DOCK5: variants seen among roughly 807,000 people sequenced by gnomAD.
The protein encoded by DOCK5 is dedicator of cytokinesis protein 5.
DOCK5 carries 142 observed loss-of-function variants against 251.8 expected under a neutral mutation model. The observed-to-expected ratio is 0.56, with a 90% CI of 0.49 to 0.65. The LOEUF is 0.65. DOCK5 is among the 30% of genes least tolerant of loss of function. The pLI, the probability that DOCK5 is intolerant of heterozygous loss-of-function variation, is 0.00. For synonymous variants in DOCK5, 842 were observed against 835.5 expected (o/e 1.01, Z -0.13); for missense variants, 2,111 against 2,312.3 (o/e 0.91, Z 1.79).
chr8:25,337,585 CTTTTTTTTT>C (rs71549899), intron 22 of DOCK5, among the ~76,000 whole-genome samples: 3 of 128,644 alleles, frequency 2.3e-5, no homozygotes, highest in African/African-American at 8.8e-5. Context: ...ATGATAGATT[CTTTTTTTTT>C]TTTTTTTTTG....
intron 27 of DOCK5, among the ~76,000 whole-genome samples, chr8:25,358,449 A>T (rs545351702): frequency 6.6e-6 from 1 of 152,272 alleles, no homozygotes; most frequent in East Asian, 1.9e-4. Flanking sequence ...ACAATTCAAG[A>T]TGAGATTTGG....
chr8:25,230,380 G>A (rs955326742), intron 1 of DOCK5, among the ~76,000 whole-genome samples: 2 of 152,128 alleles, frequency 1.3e-5, no homozygotes, highest in Non-Finnish European at 2.9e-5. Context: ...ACGTAATTCC[G>A]ATGTGTGCTA....
intron 20 of DOCK5, among the ~76,000 whole-genome samples, chr8:25,333,791 C>T (rs566458038): frequency 3.3e-5 from 5 of 152,306 alleles, no homozygotes; most frequent in African/African-American, 9.6e-5. Context: ...CTTCCTCCTG[C>T]CCGTTAGGTT....
At chr8:25,308,672 T>C in intron 11 of DOCK5, 111 bp from the exon 12 acceptor site, 1 of 1,113,814 alleles carries the variant, frequency 9.0e-7, no homozygotes. Flanking sequence ...TAGGGGTACT[T>C]AGTGTTGATA....
At chr8:25,396,607 G>A (rs1801349168) in intron 45 of DOCK5, among the ~76,000 whole-genome samples, 1 of 152,142 alleles carries the variant, frequency 6.6e-6, no homozygotes, top group African/African-American at 2.4e-5. Context: ...GCTGTGGTAT[G>A]TTTACAGTGG....
In DOCK5 at chr8:25,345,519, G is replaced by A. The variant is rs772557421; in HGVS notation, c.2662G>A (p.Gly888Ser). The change falls in exon 26 of 52, where the codon GGC becomes AGC. Residue 888 changes from glycine to serine, a missense_variant. Gly to Ser is a moderately conservative substitution (Grantham distance 56, BLOSUM62 0). Around this residue, in one of 3 missense-constraint regions of DOCK5, gnomAD observed 1,717 missense variants for 1,892.4 expected, o/e 0.91. Transcript: ENST00000276440. ...GCCACTGCTGACAGACCAGCTCAGC[G>A]GCCAGTTAGATGACAACTCCAACAA... ...LLPLLTDQLS[G>S]QLDDNSNKPD... is the part of the protein sequence containing the mutation. The A allele has an allele frequency of 8.7e-6, 14 of 1,613,768 alleles. No homozygotes were observed. The highest frequency in any genetic ancestry group is 5.5e-5 in the South Asian group (5 of 91,084).
chr8:25,260,801 T>TA (rs1803556830), intron 2 of DOCK5, among the ~76,000 whole-genome samples: 1 of 151,750 alleles, frequency 6.6e-6, no homozygotes, highest in Non-Finnish European at 1.5e-5. Context: ...TCTTTCTTTT[T>TA]TTTTTTTTTA....
chr8:25,344,324 T>G (rs1399436910), intron 25 of DOCK5, among the ~76,000 whole-genome samples: 1 of 152,218 alleles, frequency 6.6e-6, no homozygotes, highest in Non-Finnish European at 1.5e-5. Context: ...CAAGACTTGC[T>G]AGAGTGAGGC....
intron 2 of DOCK5, among the ~76,000 whole-genome samples, chr8:25,256,626 G>A (rs1306329705): frequency 9.2e-5 from 11 of 119,566 alleles, no homozygotes; most frequent in Non-Finnish European, 1.1e-4. Context: ...TCGACAGAGC[G>A]AATCTCCATC....
At chr8:25,205,854 C>CA (rs1801987813) in intron 1 of DOCK5, among the ~76,000 whole-genome samples, 1 of 152,186 alleles carries the variant, frequency 6.6e-6, no homozygotes, top group Non-Finnish European at 1.5e-5. Context: ...TTGGAATACT[C>CA]AGAGATAATG....
In DOCK5 at chr8:25,323,864, G is replaced by A. The variant is rs756211429; in HGVS notation, c.1632G>A (p.Glu544=). The part of the protein sequence containing the change: ...RSSQETRDKS[E]RAFGVAFVKL... ...CCTTTTCAGCCAGAGATAAATCGGAGCGAGCATTTGGGGTGGCCTTCGTGA... is the reference window on the plus strand; with the variant it reads ...CCTTTTCAGCCAGAGATAAATCGGAACGAGCATTTGGGGTGGCCTTCGTGA... The change falls in exon 17 of 52, where the codon GAG becomes GAA. Residue 544 remains glutamate, a synonymous_variant. Coordinates refer to ENST00000276440, the MANE Select transcript of DOCK5 (RefSeq NM_024940.8). The A allele has an allele frequency of 3.1e-6, 5 of 1,613,314 alleles. No homozygotes were observed. The South Asian group carries it at 3.3e-5, about 11-fold the overall frequency.
chr8:25,351,906 T>G, intron 27 of DOCK5, 80 bp downstream of exon 27: 4 of 1,108,310 alleles, frequency 3.6e-6, no homozygotes, highest in Non-Finnish European at 5.4e-6. Context: ...TCGGGGCCAG[T>G]GGCTTGAGAC....
intron 12 of DOCK5, among the ~76,000 whole-genome samples, chr8:25,309,472 C>T (rs963849947): frequency 2.0e-5 from 3 of 152,234 alleles, no homozygotes; most frequent in African/African-American, 4.8e-5. Flanking sequence ...TATGAGCCAC[C>T]GCCCCTGGCC....
chr8:25,391,356 C>T (rs892214274), intron 42 of DOCK5, among the ~76,000 whole-genome samples: 5 of 152,074 alleles, frequency 3.3e-5, no homozygotes, highest in African/African-American at 9.7e-5. Flanking sequence ...GCCACCACAC[C>T]TGGCCACATA....
chr8:25,280,977 T>C (rs896476283), intron 5 of DOCK5, among the ~76,000 whole-genome samples: 2 of 152,074 alleles, frequency 1.3e-5, no homozygotes, highest in Non-Finnish European at 2.9e-5. Context: ...AAGGAGTTTT[T>C]TTTTTTTTTT....
chr8:25,324,804 C>G (rs1489958739), intron 17 of DOCK5, among the ~76,000 whole-genome samples: 1 of 148,504 alleles, frequency 6.7e-6, no homozygotes, highest in Non-Finnish European at 1.5e-5. Flanking sequence ...CTCCCCGCCC[C>G]CGCCACAACA....
intron 1 of DOCK5, among the ~76,000 whole-genome samples, chr8:25,236,942 G>A (rs1228064404): frequency 6.6e-6 from 1 of 151,936 alleles, no homozygotes; most frequent in Admixed American, 6.6e-5. Context: ...GTCTCCAATG[G>A]GTATCTCATT....
At chr8:25,299,378 G>T in intron 8 of DOCK5, 1 of 346,876 alleles carries the variant, frequency 2.9e-6, no homozygotes. Context: ...CAGTGTGTGG[G>T]AGGGTGAGAA....
At chr8:25,235,569 A>C (rs1277426149) in intron 1 of DOCK5, among the ~76,000 whole-genome samples, 2 of 151,842 alleles carry the variant, frequency 1.3e-5, no homozygotes, top group Non-Finnish European at 2.9e-5. Flanking sequence ...TTGTTCTGTA[A>C]TTTCGAATTG....
Sources: gnomAD v4.1 joint callset for allele counts (sites outside exome capture counted in the v4.1 genomes callset) on GRCh38, gnomAD v4.1.1 for gene constraint, gnomAD v4.1.1 regional missense constraint, MANE v1.5 for transcripts, NCBI Gene and HGNC (gene_info 2026-07-23, HGNC 2026-07-21) for gene names.